TBC1D8B: variants seen among roughly 807,000 people sequenced by gnomAD.
TBC1D8B encodes the protein TBC1 domain family member 8B, also known as RP11-321G1.1.
TBC1D8B carries 75 observed loss-of-function variants against 82.9 expected under a neutral mutation model. The ratio of observed to expected loss-of-function variants is 0.90; its 90% confidence interval spans 0.75 to 1.10. The LOEUF is 1.10. TBC1D8B is among the 50% of genes least tolerant of loss of function. The pLI, the probability that TBC1D8B is intolerant of heterozygous loss-of-function variation, is 0.00. For missense variants in TBC1D8B, 794 were observed against 796.9 expected, an observed-to-expected ratio of 1.00 and a Z score of 0.04; for synonymous variants, 276 against 276.8, an observed-to-expected ratio of 1.00 and a Z score of 0.03.
At chrX:106,865,765 A>T in intron 15 of TBC1D8B, 28 bp from the exon 16 acceptor site, 7 of 1,153,032 alleles carry the variant, frequency 6.1e-6, no homozygotes, top group Non-Finnish European at 6.9e-6. Flanking sequence ...CTAATTAGTA[A>T]CTTTCCTTTT....
intron 7 of TBC1D8B, chrX:106,830,148 A>G (rs1034758219): frequency 3.6e-5 from 4 of 112,272 alleles, no homozygotes; most frequent in Non-Finnish European, 5.6e-5. Context: ...ATGAACAGAC[A>G]CTTCTCAAAA....
chrX:106,802,692 T>A lies in TBC1D8B; in HGVS notation c.-162T>A. The A allele has an allele frequency of 1.5e-6, 1 of 680,533 alleles. No homozygotes were observed. 56.1% of individuals were successfully genotyped at this position (680,533 alleles called of 1,213,427 possible). A position where few individuals can be genotyped will look rare whatever the true frequency, so the allele number is the denominator to read the frequency against. On this transcript the variant is annotated 5_prime_UTR_variant, in exon 1 of 21. Transcript: ENST00000357242. ...GGAATTGGCAATCTCTCTGCCTACGTGGGAGAGAAGGGAGGGTTGGGGGAA... is the reference window on the plus strand; with the variant it reads ...GGAATTGGCAATCTCTCTGCCTACGAGGGAGAGAAGGGAGGGTTGGGGGAA...
intron 1 of TBC1D8B, among the ~76,000 whole-genome samples, chrX:106,805,072 CTT>C (rs11432144): frequency 1.8e-5 from 1 of 54,593 alleles, no homozygotes; most frequent in Admixed American, 3.3e-4. Flanking sequence ...TGCAAGTTTC[CTT>C]TTTTTTTTTT....
chrX:106,823,600 G>T, intron 5 of TBC1D8B, 134 bp downstream of exon 5: 1 of 649,632 alleles, frequency 1.5e-6, no homozygotes, highest in Non-Finnish European at 2.2e-6. Flanking sequence ...GTGGGTGTGT[G>T]TGTGTTTTGT....
rs779977923 is a variant in TBC1D8B at position 106,818,821 on chromosome X, A to G, written c.241+48A>G. 4 of 962,034 alleles carry G rather than the reference A, an allele frequency of 4.2e-6. No homozygotes were observed. The Admixed American group carries it at 7.2e-5, about 17-fold the overall frequency. 79.3% of individuals were successfully genotyped at this position (962,034 alleles called of 1,213,427 possible). The stretch of plus-strand genomic sequence containing the variant: ...AATTCAAATTAAATAAGGGTACTAC[A>G]AAGCTGAGTATTCATATTTATTTAT... On this transcript the variant is annotated intron_variant, in intron 2 of 20. Coordinates refer to ENST00000357242, the MANE Select transcript of TBC1D8B (RefSeq NM_017752.3).
chrX:106,873,903 G>A lies in TBC1D8B; in HGVS notation c.3301G>A (p.Asp1101Asn), dbSNP rs749962751. 8.3e-6 allele frequency: 10 copies of A among 1,205,340 alleles called. No individual in the cohort carries two copies. The Admixed American group carries it at 2.0e-4, about 24-fold the overall frequency. The change falls in exon 21 of 21, where the codon GAT (aspartate) becomes AAT (asparagine). Residue 1101 changes from aspartate to asparagine, a missense_variant. Physicochemically the swap from Asp to Asn is conservative, Grantham distance 23 (BLOSUM62 1). Coordinates refer to ENST00000357242, the MANE Select transcript of TBC1D8B (RefSeq NM_017752.3). The part of the protein sequence containing the change: ...ALVRFFEKPI[D>N]VKAKLENARI... ...GGTGAGGTTTTTTGAGAAACCCATA[G>A]ATGTAAAAGCCAAGCTGGAAAATGC...
At chrX:106,852,088 CTT>C (rs1370267593) in intron 12 of TBC1D8B, among the ~76,000 whole-genome samples, 15 of 108,490 alleles carry the variant, frequency 1.4e-4, no homozygotes, top group African/African-American at 4.7e-4. Context: ...TGTTTCCTGA[CTT>C]TTTAATGATC....
chrX:106,820,842 C>G (rs1299045991), intron 2 of TBC1D8B, 35 bp from the exon 3 acceptor site: 2 of 950,035 alleles, frequency 2.1e-6, no homozygotes, highest in Non-Finnish European at 2.9e-6. Context: ...GTGGAGTTTT[C>G]CTTAAGTGTT....
intron 14 of TBC1D8B, among the ~76,000 whole-genome samples, chrX:106,861,256 A>C (rs894374319): frequency 9.0e-6 from 1 of 111,323 alleles, no homozygotes; most frequent in African/African-American, 3.3e-5. Flanking sequence ...TCAAGTGTTG[A>C]GTTCAGGTCC....
In TBC1D8B at chrX:106,861,823, C is replaced by G. The variant is rs182117016; in HGVS notation, c.2353-3736C>G. On this transcript the variant is annotated intron_variant, in intron 14 of 20. Transcript: ENST00000357242. The stretch of plus-strand genomic sequence containing the variant: ...TTATGCAAAACTGATTGTGTAGTTG[C>G]TTTATTGTGTCAATAGTCTATGTAC... Among the ~76,000 whole-genome samples, 66 of 111,852 alleles carry G rather than the reference C, an allele frequency of 5.9e-4. No individual in the cohort carries two copies. In the Middle Eastern group the frequency reaches 0.014, roughly 24 times the overall value.
Position 106,839,417 on chromosome X carries a change from T to G in TBC1D8B, c.1313T>G (p.Val438Gly). 1 of 1,169,899 alleles carries G rather than the reference T, an allele frequency of 8.5e-7. No individual in the cohort carries two copies. The highest frequency in any genetic ancestry group is 1.1e-6 in the Non-Finnish European group (1 of 873,275). Residue 438 changes from valine (V) to glycine (G), a missense_variant, in exon 8 of 21, where the codon GTA becomes GGA. Physicochemically the swap from Val to Gly is moderately radical, Grantham distance 109 (BLOSUM62 -3). Transcript: ENST00000357242. ...GTGAACACTGAAGCCTTAATGACAG[T>G]ATTTCACCCTCAGAATTTGGAGACT... ...KTVNTEALMT[V>G]FHPQNLETLN...
chrX:106,807,102 C>G (rs960327974), intron 1 of TBC1D8B, among the ~76,000 whole-genome samples: 3 of 110,875 alleles, frequency 2.7e-5, no homozygotes, highest in Non-Finnish European at 5.7e-5. Context: ...AAGGACATAT[C>G]TGATAAAAAA....
At chrX:106,829,639 G>A (rs1279658402) in intron 7 of TBC1D8B, 7 of 104,929 alleles carry the variant, frequency 6.7e-5, no homozygotes, top group Non-Finnish European at 1.2e-4. Context: ...AAATAATGCC[G>A]CATACCTACA....
intron 7 of TBC1D8B, chrX:106,829,105 C>CA (rs1359130143): frequency 9.4e-6 from 1 of 106,046 alleles, no homozygotes; most frequent in Non-Finnish European, 1.9e-5. Flanking sequence ...TCTCAGGATA[C>CA]AAAATCAATG....
In TBC1D8B at chrX:106,868,401, G is replaced by T; in HGVS notation, c.2737G>T (p.Glu913Ter). 1 of 999,847 alleles carries T rather than the reference G, an allele frequency of 1.0e-6. No individual in the cohort carries two copies. Among genetic ancestry groups the T allele is most frequent in the South Asian group, 4.4e-5 (1 of 22,667 alleles). 82.4% of individuals were successfully genotyped at this position (999,847 alleles called of 1,213,427 possible). A position where few individuals can be genotyped will look rare whatever the true frequency, so the allele number is the denominator to read the frequency against. Residue 913 changes from glutamate (E) to a stop codon, truncating the protein, a stop_gained, in exon 18 of 21, where the codon GAA becomes TAA. Coordinates refer to ENST00000357242, the MANE Select transcript of TBC1D8B (RefSeq NM_017752.3). LOFTEE classifies it high-confidence loss of function. ...TATTTATATGTTTTCAGCTTACACT[G>T]AAGTGAAATCTAAGGATGCTTCAAA... ...FKLHIPPAYT[E>*]VKSKDASKGD... is the part of the protein sequence containing the mutation.
intron 1 of TBC1D8B, among the ~76,000 whole-genome samples, chrX:106,812,163 A>G (rs1330477635): frequency 8.9e-6 from 1 of 111,970 alleles, no homozygotes; most frequent in Admixed American, 9.5e-5. Flanking sequence ...ATTCCAAAAT[A>G]AGCATTCATA....
At chrX:106,851,112 G>T (rs1025727683) in intron 12 of TBC1D8B, among the ~76,000 whole-genome samples, 1 of 111,953 alleles carries the variant, frequency 8.9e-6, no homozygotes, top group African/African-American at 3.3e-5. Context: ...CTTCTTGACC[G>T]GGTGCGGTGG....
chrX:106,873,857 G>A lies in TBC1D8B; in HGVS notation c.3255G>A (p.Ser1085=), dbSNP rs1447507384. The A allele has an allele frequency of 2.5e-6, 3 of 1,211,715 alleles. No homozygotes were observed. Among genetic ancestry groups the A allele is most frequent in the South Asian group, 1.8e-5 (1 of 56,928 alleles). The part of the protein sequence containing the change: ...WSFAFEQILA[S]LLNEPALVRF... ...TTGCATTTGAACAGATTCTTGCATC[G>A]CTGTTGAATGAACCAGCATTGGTGA... is the stretch of plus-strand genomic sequence containing the variant. The change falls in exon 21 of 21, where the codon TCG becomes TCA. Residue 1085 remains serine (S), a synonymous_variant. Transcript: ENST00000357242.
chrX:106,822,257 C>A (rs1931717353), intron 4 of TBC1D8B, 55 bp downstream of exon 4: 1 of 917,728 alleles, frequency 1.1e-6, no homozygotes, highest in East Asian at 3.1e-5. Context: ...GACCTACCAA[C>A]TCTAATGATG....
Sources: allele counts gnomAD v4.1 joint callset (sites outside exome capture counted in the v4.1 genomes callset), GRCh38; gene constraint gnomAD v4.1.1; transcripts MANE v1.5; gene names NCBI Gene and HGNC (gene_info 2026-07-23, HGNC 2026-07-21).